The following EGF variants were observed in gnomAD, a reference collection of about 807,000 sequenced individuals.
EGF encodes pro-epidermal growth factor.
EGF carries 95 observed loss-of-function variants against 143.8 expected under a neutral mutation model. The ratio of observed to expected loss-of-function variants is 0.66; its 90% CI spans 0.56 to 0.78. The LOEUF is 0.78. Among genes scored for constraint, EGF ranks in the 30% least tolerant of loss-of-function variants. EGF has a pLI of 0.00. For missense variants in EGF, 1,320 were observed against 1,470.9 expected (o/e 0.90, Z 1.68); for synonymous variants, 510 against 510.5 (o/e 1.00, Z 0.01).
intron 18 of EGF, among the ~76,000 whole-genome samples, chr4:109,992,806 A>T (rs1249011910): frequency 6.6e-6 from 1 of 152,072 alleles, no homozygotes. Flanking sequence ...AGGGACATGG[A>T]TGAAGCTGGA....
chr4:109,992,974 C>T (rs1751221818), intron 18 of EGF, among the ~76,000 whole-genome samples: 1 of 146,076 alleles, frequency 6.8e-6, no homozygotes, highest in African/African-American at 2.7e-5. Flanking sequence ...GGAGGGATAG[C>T]ATTAGGAGAT....
chr4:109,916,431 T>TGGATTCAAATCCCATTCAAA lies in EGF; in HGVS notation c.127+2969_127+2970insGGATTCAAATCCCATTCAAA, dbSNP rs1274373801. ...TGGATTCAAATCCCATTTCTGCTGC[T>TGGATTCAAATCCCATTCAAA]TGTGAACTGTTTGTCTCATTTTCCT... On this transcript the variant is annotated intron_variant, in intron 1 of 23. Coordinates refer to ENST00000265171, the MANE Select transcript of EGF (RefSeq NM_001963.6). Among the ~76,000 whole-genome samples, 117 of 152,328 alleles carry TGGATTCAAATCCCATTCAAA rather than the reference T, an allele frequency of 7.7e-4. No homozygotes were observed. In the East Asian group the frequency reaches 0.017, roughly 22 times the overall value.
chr4:109,941,140 C>A lies in EGF; in HGVS notation c.322C>A (p.Gln108Lys). ...AAGAGTTTTTCTGAATGGGTCAAGGCAAGAGGTAAAATACCCTTACCTACA... is the reference window on the plus strand; with the variant it reads ...AAGAGTTTTTCTGAATGGGTCAAGGAAAGAGGTAAAATACCCTTACCTACA... Reference protein sequence around the residue: ...LQRVFLNGSRQERVCNIEKNV... With the variant: ...LQRVFLNGSRKERVCNIEKNV... The change falls in exon 2 of 24, where the codon CAA becomes AAA. Residue 108 changes from glutamine (Q) to lysine (K), a missense_variant. Coordinates refer to ENST00000265171, the MANE Select transcript of EGF (RefSeq NM_001963.6). 1.2e-6 allele frequency: 2 copies of A among 1,613,726 alleles called. No homozygotes were observed. The highest frequency in any genetic ancestry group is 1.1e-5 in the South Asian group (1 of 91,050).
At chr4:109,923,913 G>A (rs906184853) in intron 1 of EGF, among the ~76,000 whole-genome samples, 3 of 151,564 alleles carry the variant, frequency 2.0e-5, no homozygotes, top group African/African-American at 4.9e-5. Flanking sequence ...GAGCCACCAC[G>A]CCTGGCCTAT....
chr4:109,985,191 G>A (rs1749956151), intron 16 of EGF, among the ~76,000 whole-genome samples: 2 of 152,152 alleles, frequency 1.3e-5, no homozygotes, highest in African/African-American at 4.8e-5. Context: ...GCCTAGTACA[G>A]AATAGAGGGA....
chr4:109,974,661 A>T, intron 11 of EGF, 42 bp from the exon 12 acceptor site: 1 of 1,432,790 alleles, frequency 7.0e-7, no homozygotes, highest in East Asian at 2.3e-5. Context: ...TTTGAAAAGT[A>T]AAGGTGTTAT....
At chr4:109,961,193 A>C (rs76261563) in intron 7 of EGF, among the ~76,000 whole-genome samples, 1 of 149,276 alleles carries the variant, frequency 6.7e-6, no homozygotes, top group Admixed American at 6.7e-5. Context: ...TAAAAATACA[A>C]AAAAAAAAAA....
intron 6 of EGF, 100 bp from the exon 7 acceptor site, chr4:109,960,767 C>T: frequency 1.5e-6 from 2 of 1,360,376 alleles, no homozygotes; most frequent in Non-Finnish European, 2.1e-6. Context: ...ACAGCATATA[C>T]AAGTGTGAGA....
chr4:109,974,927 C>A, intron 12 of EGF, 120 bp downstream of exon 12: 1 of 703,936 alleles, frequency 1.4e-6, no homozygotes, highest in Non-Finnish European at 2.5e-6. Flanking sequence ...AAATCTTCAG[C>A]ATGAATTCCT....
intron 11 of EGF, among the ~76,000 whole-genome samples, chr4:109,970,469 C>T (rs1747382567): frequency 6.6e-6 from 1 of 152,046 alleles, no homozygotes; most frequent in African/African-American, 2.4e-5. Flanking sequence ...GGGAGAAGTC[C>T]CAGGGAATGA....
In EGF at chr4:109,942,148, G is replaced by C. The variant is rs549036558; in HGVS notation, c.327+1003G>C. ...TCTGGTAGTATAGTTTCAAACTCTT[G>C]AGTCTAAGAATCTGAAGGGTTTCCT... On this transcript the variant is annotated intron_variant, in intron 2 of 23. Transcript: ENST00000265171. Among the ~76,000 whole-genome samples the C allele has an allele frequency of 5.9e-5, 9 of 152,290 alleles. No individual in the cohort carries two copies. In the South Asian group the frequency reaches 1.7e-3, roughly 28 times the overall value.
At chr4:109,965,414 T>C (rs1746393153) in intron 10 of EGF, among the ~76,000 whole-genome samples, 1 of 152,156 alleles carries the variant, frequency 6.6e-6, no homozygotes, top group South Asian at 2.1e-4. Flanking sequence ...GAAGTATTTT[T>C]GCAAATTAAA....
intron 23 of EGF, among the ~76,000 whole-genome samples, chr4:110,010,360 G>A (rs879493968): frequency 1.3e-5 from 2 of 152,172 alleles, no homozygotes; most frequent in Admixed American, 6.5e-5. Context: ...AAAAGCTAAA[G>A]AGCAATGTGT....
At chr4:109,929,150 A>T (rs1739254076) in intron 1 of EGF, among the ~76,000 whole-genome samples, 1 of 152,176 alleles carries the variant, frequency 6.6e-6, no homozygotes, top group Non-Finnish European at 1.5e-5. Flanking sequence ...GACACAACTG[A>T]ACTAAAACAC....
intron 2 of EGF, among the ~76,000 whole-genome samples, chr4:109,942,414 T>G (rs1406065301): frequency 6.6e-6 from 1 of 152,258 alleles, no homozygotes; most frequent in Non-Finnish European, 1.5e-5. Context: ...ATAAGTTGGC[T>G]AGATTTCTTT....
intron 11 of EGF, among the ~76,000 whole-genome samples, chr4:109,972,926 G>T (rs1335192993): frequency 1.3e-5 from 2 of 152,220 alleles, no homozygotes; most frequent in Admixed American, 6.5e-5. Context: ...GCCCTACCTT[G>T]TGTTTCTAGG....
Position 109,999,717 on chromosome 4 carries a change from G to A in EGF, c.3044G>A (p.Arg1015Gln), listed in dbSNP as rs375755038. 65 of 1,614,010 alleles carry A rather than the reference G, an allele frequency of 4.0e-5. No individual in the cohort carries two copies. The highest frequency in any genetic ancestry group is 1.6e-4 in the Middle Eastern group (1 of 6,084). The change falls in exon 21 of 24, where the codon CGA becomes CAA. Residue 1015 changes from arginine (R) to glutamine (Q), a missense_variant. Arg to Gln is a conservative substitution (Grantham distance 43). Coordinates refer to ENST00000265171, the MANE Select transcript of EGF (RefSeq NM_001963.6). ...VGYIGERCQY[R>Q]DLKWWELRHA... ...TACATCGGGGAGCGATGTCAGTACC[G>A]AGACCTGAAGTGGTGGGAACTGCGC...
intron 19 of EGF, 71 bp from the exon 20 acceptor site, chr4:109,994,662 G>T: frequency 6.5e-7 from 1 of 1,532,168 alleles, no homozygotes; most frequent in Non-Finnish European, 9.0e-7. Context: ...ACAGAAACTA[G>T]TTCCTCATAT....
chr4:109,994,959 C>T (rs1334213508), intron 20 of EGF, 79 bp downstream of exon 20: 5 of 1,587,226 alleles, frequency 3.2e-6, no homozygotes, highest in Non-Finnish European at 4.3e-6. Flanking sequence ...AAAATTTACA[C>T]TCAGGATGTT....
Sources: allele counts gnomAD v4.1 joint callset (sites outside exome capture counted in the v4.1 genomes callset), GRCh38; gene constraint gnomAD v4.1.1; transcripts MANE v1.5; gene names NCBI Gene and HGNC (gene_info 2026-07-23, HGNC 2026-07-21).